The following FHIP2A variants were observed in gnomAD, a reference collection of about 807,000 sequenced individuals.
The protein encoded by FHIP2A is FHF complex subunit HOOK interacting protein 2A, also known as family with sequence similarity 160 member B1.
A neutral mutation model predicts 93.5 loss-of-function variants in FHIP2A; 46 were observed. That is an observed-to-expected ratio of 0.49 (90% CI 0.39 to 0.63). The LOEUF is 0.63. Among genes scored for constraint, FHIP2A ranks in the 20% least tolerant of loss-of-function variants. The pLI, the probability that FHIP2A is intolerant of heterozygous loss-of-function variation, is 0.00. For synonymous variants in FHIP2A, 332 were observed against 326.5 expected (o/e 1.02, Z -0.18); for missense variants, 769 against 909.7 (o/e 0.85, Z 1.99).
intron 1 of FHIP2A, among the ~76,000 whole-genome samples, chr10:114,826,269 A>G (rs1403822497): frequency 6.6e-6 from 1 of 152,226 alleles, no homozygotes; most frequent in Non-Finnish European, 1.5e-5. Context: ...TACAAGTTAG[A>G]TTACAGAATA....
intron 16 of FHIP2A, among the ~76,000 whole-genome samples, chr10:114,883,847 G>A (rs773236179): frequency 1.1e-4 from 16 of 151,980 alleles, no homozygotes; most frequent in Non-Finnish European, 1.6e-4. Context: ...CCCAAAGTGC[G>A]GAGATTACGG....
chr10:114,875,237 C>T (rs2083879046), intron 16 of FHIP2A, among the ~76,000 whole-genome samples: 1 of 152,114 alleles, frequency 6.6e-6, no homozygotes, highest in South Asian at 2.1e-4. Flanking sequence ...TGACTGCAGA[C>T]GGGTCTGATT....
At chr10:114,822,364 CCCT>C (rs1252888726) in intron 1 of FHIP2A, among the ~76,000 whole-genome samples, 1 of 150,854 alleles carries the variant, frequency 6.6e-6, no homozygotes, top group Non-Finnish European at 1.5e-5. Context: ...GCAGTCCCTG[CCCT>C]CCTCCAGGAG....
At position 114,821,898 on chromosome 10, in the gene FHIP2A, AGCCGCCCGCGCACACCTGAAGCGGCCGG is replaced by A; in HGVS notation, c.-177_-150del. On this transcript the variant is annotated 5_prime_UTR_variant, in exon 1 of 17. Transcript: ENST00000369248. ...GTCCCGGCGCCCTCCGGAGCCGCCG[AGCCGCCCGCGCACACCTGAAGCGGCCGG>A]GCCAGGCCCTGCCTCGATCCTCAGC... is the stretch of plus-strand genomic sequence containing the variant. 3.2e-6 allele frequency: 1 copy of A among 310,984 alleles called. No individual in the cohort carries two copies. Among genetic ancestry groups the A allele is most frequent in the East Asian group, 5.0e-5 (1 of 20,014 alleles). The allele number at this position is 310,984 out of a possible 1,614,324, so 19.3% of individuals were successfully genotyped here. A position where few individuals can be genotyped will look rare whatever the true frequency, so the allele number is the denominator to read the frequency against.
chr10:114,849,177 C>T (rs933684933), intron 13 of FHIP2A, among the ~76,000 whole-genome samples: 1 of 140,906 alleles, frequency 7.1e-6, no homozygotes, highest in Non-Finnish European at 1.5e-5. Flanking sequence ...GCTATAACTA[C>T]TTTTGCTTTG....
intron 1 of FHIP2A, among the ~76,000 whole-genome samples, chr10:114,829,405 T>C (rs948922242): frequency 1.3e-5 from 2 of 152,244 alleles, no homozygotes; most frequent in African/African-American, 4.8e-5. Flanking sequence ...AAGGATGGCA[T>C]CTTTCAGACA....
intron 1 of FHIP2A, among the ~76,000 whole-genome samples, chr10:114,824,341 A>G (rs978094143): frequency 2.6e-5 from 4 of 152,190 alleles, no homozygotes; most frequent in Non-Finnish European, 5.9e-5. Flanking sequence ...TCTTTTTATA[A>G]TTGTATATAT....
chr10:114,832,283 G>A (rs1446234531), intron 2 of FHIP2A, among the ~76,000 whole-genome samples: 1 of 152,028 alleles, frequency 6.6e-6, no homozygotes, highest in Non-Finnish European at 1.5e-5. Flanking sequence ...CTCCTGAGAA[G>A]CAACTTTGAA....
intron 16 of FHIP2A, among the ~76,000 whole-genome samples, chr10:114,886,654 C>T (rs1331105725): frequency 6.6e-6 from 1 of 152,166 alleles, no homozygotes; most frequent in African/African-American, 2.4e-5. Context: ...AAGCAATTCT[C>T]CTGCCTCAGC....
chr10:114,852,813 T>C (rs1389867936), intron 13 of FHIP2A, among the ~76,000 whole-genome samples: 1 of 152,232 alleles, frequency 6.6e-6, no homozygotes, highest in Non-Finnish European at 1.5e-5. Context: ...TTTTCCAGCC[T>C]GCTTTTCTAT....
At chr10:114,891,583 GTA>G (rs2083974978) in intron 16 of FHIP2A, among the ~76,000 whole-genome samples, 1 of 149,340 alleles carries the variant, frequency 6.7e-6, no homozygotes, top group African/African-American at 2.5e-5. Flanking sequence ...GCACGCGTAT[GTA>G]TGTGTGTGTA....
intron 16 of FHIP2A, chr10:114,899,417 G>A (rs1284892445): frequency 1.7e-5 from 12 of 714,944 alleles, no homozygotes; most frequent in Admixed American, 2.0e-5. Context: ...AGTTAGATCC[G>A]TATGCTCAGG....
chr10:114,898,428 C>G (rs2084011326), intron 16 of FHIP2A, among the ~76,000 whole-genome samples: 1 of 152,190 alleles, frequency 6.6e-6, no homozygotes, highest in Admixed American at 6.5e-5. Context: ...TCCCTGCTCA[C>G]CAGCCTCAGC....
At chr10:114,877,584 G>A (rs1181463118) in intron 16 of FHIP2A, among the ~76,000 whole-genome samples, 6 of 152,168 alleles carry the variant, frequency 3.9e-5, no homozygotes, top group Non-Finnish European at 7.3e-5. Context: ...CTGGAAGATG[G>A]AGCAGGGGAA....
At chr10:114,840,151 G>A (rs1212954645) in intron 5 of FHIP2A, among the ~76,000 whole-genome samples, 11 of 152,162 alleles carry the variant, frequency 7.2e-5, no homozygotes, top group Non-Finnish European at 2.9e-5. Flanking sequence ...CACTTTGGGA[G>A]GCTGAGGCAA....
chr10:114,858,359 C>T (rs2083778888), intron 14 of FHIP2A, among the ~76,000 whole-genome samples: 2 of 152,090 alleles, frequency 1.3e-5, no homozygotes, highest in Non-Finnish European at 2.9e-5. Context: ...TCTTAAGCAA[C>T]CTATGACCTA....
At chr10:114,855,630 T>C (rs1283526343) in intron 14 of FHIP2A, among the ~76,000 whole-genome samples, 11 of 152,208 alleles carry the variant, frequency 7.2e-5, no homozygotes, top group Admixed American at 7.2e-4. Flanking sequence ...TGCTTTTCTT[T>C]TATGACTTGC....
chr10:114,863,041 C>G lies in FHIP2A; in HGVS notation c.*1501C>G, dbSNP rs1262626253. ...TTGCTATTTATTAAGAACAGAATAT[C>G]AAAAGATTATGAATAGCCTCAGCTC... On this transcript the variant is annotated 3_prime_UTR_variant, in exon 17 of 17. Transcript: ENST00000369248. 1.0e-6 allele frequency: 1 copy of G among 984,884 alleles called. No homozygotes were observed. Among genetic ancestry groups the G allele is most frequent in the Non-Finnish European group, 1.2e-6 (1 of 829,578 alleles). 61.0% of individuals were successfully genotyped at this position (984,884 alleles called of 1,614,324 possible). A position where few individuals can be genotyped will look rare whatever the true frequency, so the allele number is the denominator to read the frequency against.
intron 16 of FHIP2A, among the ~76,000 whole-genome samples, chr10:114,896,449 C>G (rs1440422555): frequency 6.6e-6 from 1 of 152,082 alleles, no homozygotes; most frequent in African/African-American, 2.4e-5. Flanking sequence ...ATCTTAGGCC[C>G]CCAAAATCAC....
Sources: allele counts gnomAD v4.1 joint callset (sites outside exome capture counted in the v4.1 genomes callset), GRCh38; gene constraint gnomAD v4.1.1; transcripts MANE v1.5; gene names NCBI Gene and HGNC (gene_info 2026-07-23, HGNC 2026-07-21).